The following IRAK2 variants were observed in gnomAD, a reference collection of about 807,000 sequenced individuals.
The protein encoded by IRAK2 is interleukin-1 receptor-associated kinase-like 2.
In IRAK2, 57 loss-of-function variants were observed where a neutral mutation model predicts 72.0. The observed-to-expected ratio is 0.79, with a 90% CI of 0.64 to 0.99. The LOEUF (loss-of-function observed/expected upper bound fraction) is 0.99. Ranked by LOEUF, IRAK2 falls within the 50% of genes least tolerant of loss-of-function variation. IRAK2 has a pLI of 0.00. For missense variants in IRAK2, 790 were observed against 794.4 expected (o/e 0.99, Z 0.07); for synonymous variants, 293 against 312.7 (o/e 0.94, Z 0.67).
chr3:10,242,114 A>C lies in IRAK2; in HGVS notation c.1766-2A>C. On this transcript the variant is annotated splice_acceptor_variant, in intron 12 of 12. Transcript: ENST00000256458. LOFTEE classifies it high-confidence loss of function. ...TCTTGTTTGCTTTCTGTTGAACATC[A>C]GTTACAGAAACTTCGTGGCAAATTG... 1 of 1,551,318 alleles carries C rather than the reference A, an allele frequency of 6.4e-7. No homozygotes were observed. Among genetic ancestry groups the C allele is most frequent in the Non-Finnish European group, 8.9e-7 (1 of 1,124,168 alleles).
chr3:10,233,194 C>A (rs1418849557), intron 10 of IRAK2, among the ~76,000 whole-genome samples: 2 of 152,060 alleles, frequency 1.3e-5, no homozygotes, highest in Non-Finnish European at 2.9e-5. Flanking sequence ...GGACTATAGG[C>A]ACGCACCGCC....
At chr3:10,219,025 C>T (rs1174283975) in intron 7 of IRAK2, among the ~76,000 whole-genome samples, 6 of 152,190 alleles carry the variant, frequency 3.9e-5, no homozygotes, top group Admixed American at 3.9e-4. Flanking sequence ...TGGCAAAACC[C>T]TGTCTCCACG....
intron 3 of IRAK2, among the ~76,000 whole-genome samples, chr3:10,207,740 C>T (rs144272025): frequency 0.078 from 11,847 of 152,206 alleles, 1,016 homozygotes; most frequent in African/African-American, 0.21. Flanking sequence ...CGCCTATAAT[C>T]CCAGCACTTT....
intron 2 of IRAK2, among the ~76,000 whole-genome samples, chr3:10,182,432 G>A (rs1401071655): frequency 1.7e-4 from 26 of 151,630 alleles, no homozygotes; most frequent in Admixed American, 1.4e-3. Flanking sequence ...ACAGGTGCCC[G>A]CCACCACGCC....
chr3:10,212,342 T>C (rs1044590099), intron 4 of IRAK2, among the ~76,000 whole-genome samples: 2 of 145,408 alleles, frequency 1.4e-5, no homozygotes, highest in African/African-American at 5.0e-5. Flanking sequence ...TTAGTATTAG[T>C]GTATTTTATG....
At chr3:10,166,899 C>T (rs1177088571) in intron 1 of IRAK2, among the ~76,000 whole-genome samples, 1 of 152,182 alleles carries the variant, frequency 6.6e-6, no homozygotes, top group Non-Finnish European at 1.5e-5. Flanking sequence ...CCGCTTTGGC[C>T]TCCCAAAGTG....
intron 2 of IRAK2, among the ~76,000 whole-genome samples, chr3:10,189,089 A>G (rs1246866606): frequency 6.6e-6 from 1 of 152,260 alleles, no homozygotes; most frequent in Non-Finnish European, 1.5e-5. Flanking sequence ...AAGCTAACAC[A>G]CAGATGCATG....
intron 1 of IRAK2, among the ~76,000 whole-genome samples, chr3:10,166,018 C>A (rs1050592449): frequency 2.6e-5 from 4 of 151,552 alleles, no homozygotes; most frequent in Non-Finnish European, 5.9e-5. Context: ...CATGAGCCAC[C>A]GCGCCCGGCC....
intron 10 of IRAK2, among the ~76,000 whole-genome samples, chr3:10,231,591 C>G (rs554752212): frequency 6.6e-6 from 1 of 152,040 alleles, no homozygotes; most frequent in Non-Finnish European, 1.5e-5. Context: ...CCGTGCCCAG[C>G]CAAAAGTTGC....
intron 12 of IRAK2, among the ~76,000 whole-genome samples, chr3:10,239,301 C>CCCTTTGTCTGAGCT (rs1156879316): frequency 1.3e-5 from 2 of 152,188 alleles, no homozygotes; most frequent in Non-Finnish European, 2.9e-5. Flanking sequence ...TCTGCGTTCC[C>CCCTTTGTCTGAGCT]CCTTTGTCTG....
At chr3:10,170,618 C>A (rs1696779670) in intron 1 of IRAK2, among the ~76,000 whole-genome samples, 1 of 152,224 alleles carries the variant, frequency 6.6e-6, no homozygotes, top group East Asian at 1.9e-4. Context: ...GGAATGGAAG[C>A]CCCGTGCGGG....
intron 11 of IRAK2, among the ~76,000 whole-genome samples, chr3:10,237,344 G>A (rs966318752): frequency 1.3e-5 from 2 of 152,134 alleles, no homozygotes; most frequent in African/African-American, 4.8e-5. Flanking sequence ...CAACCAAGCT[G>A]GGAAGATGAA....
chr3:10,212,206 C>T (rs1482342145), intron 4 of IRAK2, among the ~76,000 whole-genome samples: 1 of 152,108 alleles, frequency 6.6e-6, no homozygotes, highest in African/African-American at 2.4e-5. Context: ...GCAAGCTTGT[C>T]TTACTTGCCC....
chr3:10,198,403 G>A (rs537436117), intron 2 of IRAK2, among the ~76,000 whole-genome samples: 7 of 152,286 alleles, frequency 4.6e-5, no homozygotes, highest in East Asian at 1.9e-4. Context: ...GGATTGGGGC[G>A]TCTGCCCCTG....
At chr3:10,237,720 T>A (rs1157499891) in intron 11 of IRAK2, among the ~76,000 whole-genome samples, 1 of 145,608 alleles carries the variant, frequency 6.9e-6, no homozygotes, top group East Asian at 2.0e-4. Context: ...GGCAGGAGAA[T>A]GGCGTGAACC....
intron 3 of IRAK2, among the ~76,000 whole-genome samples, chr3:10,202,922 T>A (rs1394978727): frequency 1.3e-5 from 2 of 151,964 alleles, no homozygotes; most frequent in African/African-American, 4.8e-5. Flanking sequence ...ACTCCTGGGA[T>A]CAAGCGATTC....
At chr3:10,236,300 A>T (rs949012192) in intron 11 of IRAK2, among the ~76,000 whole-genome samples, 5 of 146,832 alleles carry the variant, frequency 3.4e-5, no homozygotes, top group African/African-American at 7.5e-5. Context: ...CAATGATAGA[A>T]GGCTTTGTAG....
chr3:10,237,927 C>CTGTGTGTGTG (rs1491258718), intron 11 of IRAK2, among the ~76,000 whole-genome samples: 3 of 89,862 alleles, frequency 3.3e-5, no homozygotes, highest in African/African-American at 3.9e-5. Flanking sequence ...TGTATGTGTG[C>CTGTGTGTGTG]TCTGTGTGTG....
chr3:10,206,275 C>A (rs923293284), intron 3 of IRAK2, among the ~76,000 whole-genome samples: 1 of 152,150 alleles, frequency 6.6e-6, no homozygotes, highest in Non-Finnish European at 1.5e-5. Context: ...GGGGAACAGC[C>A]CCTGGGAAGC....
Sources: gnomAD v4.1 joint callset for allele counts (sites outside exome capture counted in the v4.1 genomes callset) on GRCh38, gnomAD v4.1.1 for gene constraint, MANE v1.5 for transcripts, NCBI Gene and HGNC (gene_info 2026-07-23, HGNC 2026-07-21) for gene names.